Variants in CD1B observed in about 807,000 individuals in gnomAD.
The protein encoded by CD1B is T-cell surface glycoprotein CD1b.
In CD1B, 43 loss-of-function variants were observed where a neutral mutation model predicts 39.8. The ratio of observed to expected loss-of-function variants is 1.08; its 90% confidence interval spans 0.85 to 1.39. The LOEUF (loss-of-function observed/expected upper bound fraction) is 1.39, where lower values mean the gene tolerates loss of function less well. Among genes scored for constraint, CD1B ranks in the 40% most tolerant of loss-of-function variants. CD1B has a pLI of 0.00. For missense variants in CD1B, 495 were observed against 403.8 expected (o/e 1.23, Z -1.94); for synonymous variants, 192 against 152.5 (o/e 1.26, Z -1.91).
the CD1B span, among the ~76,000 whole-genome samples, chr1:158,296,353 A>G: frequency 6.6e-6 from 1 of 152,236 alleles, no homozygotes; most frequent in East Asian, 1.9e-4. Context: ...GGCCCCCTGA[A>G]ATCATCAAGA....
At chr1:158,321,084 T>C in the CD1B span, among the ~76,000 whole-genome samples, 1 of 152,224 alleles carries the variant, frequency 6.6e-6, no homozygotes, top group Non-Finnish European at 1.5e-5. Context: ...ATTATCTGTT[T>C]ATCACTGAAG....
At chr1:158,314,482 C>A in the CD1B span, among the ~76,000 whole-genome samples, 4 of 151,634 alleles carry the variant, frequency 2.6e-5, no homozygotes, top group Non-Finnish European at 4.4e-5. Flanking sequence ...TTTATCGTTG[C>A]TTCTCTTCTA....
the CD1B span, among the ~76,000 whole-genome samples, chr1:158,309,424 G>A: frequency 3.3e-5 from 5 of 152,226 alleles, no homozygotes; most frequent in East Asian, 3.9e-4. Flanking sequence ...TCAGTGTGGC[G>A]ATTCCTCAGG....
At chr1:158,291,234 G>T in the CD1B span, 19 of 1,613,958 alleles carry the variant, frequency 1.2e-5, no homozygotes, top group African/African-American at 1.7e-4. Context: ...ACGAGTTGCA[G>T]ACTCATGGCT....
the CD1B span, among the ~76,000 whole-genome samples, chr1:158,295,721 C>T: frequency 0.012 from 1,756 of 152,020 alleles, 34 homozygotes; most frequent in African/African-American, 0.04. Flanking sequence ...AGGATCCCTG[C>T]CTGTCTGTAC....
At chr1:158,296,758 C>A in the CD1B span, among the ~76,000 whole-genome samples, 1 of 152,092 alleles carries the variant, frequency 6.6e-6, no homozygotes, top group Non-Finnish European at 1.5e-5. Flanking sequence ...AAGAACTAAG[C>A]TGATTTGACA....
the CD1B span, among the ~76,000 whole-genome samples, chr1:158,321,981 T>G: frequency 6.6e-6 from 1 of 152,172 alleles, no homozygotes; most frequent in Non-Finnish European, 1.5e-5. Context: ...GTATAACAAG[T>G]TATTTTAAGC....
At chr1:158,300,252 T>C in the CD1B span, among the ~76,000 whole-genome samples, 1 of 152,158 alleles carries the variant, frequency 6.6e-6, no homozygotes, top group Non-Finnish European at 1.5e-5. Context: ...TACCAAGTAG[T>C]CATTCAGGAC....
chr1:158,328,196 T>G lies in CD1B; in HGVS notation c.*40A>C. 6.4e-7 allele frequency: 1 copy of G among 1,552,662 alleles called. No homozygotes were observed. The highest frequency in any genetic ancestry group is 1.1e-5 in the South Asian group (1 of 88,302). On this transcript the variant is annotated 3_prime_UTR_variant, in exon 6 of 6. Coordinates refer to ENST00000368168, the MANE Select transcript of CD1B (RefSeq NM_001764.3). The stretch of plus-strand genomic sequence containing the variant: ...TTTTGGGCTGATATCTTGGGCTTCT[T>G]GGTACTTATTGCGAATGGGAGAGGA...
At chr1:158,300,603 G>C in the CD1B span, among the ~76,000 whole-genome samples, 1 of 152,052 alleles carries the variant, frequency 6.6e-6, no homozygotes, top group South Asian at 2.1e-4. Flanking sequence ...CATTATTATT[G>C]TGTGGGAGTA....
chr1:158,304,116 C>T, the CD1B span, among the ~76,000 whole-genome samples: 1 of 151,950 alleles, frequency 6.6e-6, no homozygotes, highest in Non-Finnish European at 1.5e-5. Context: ...TGCAGTTCAC[C>T]CAGCGAGAGC....
the CD1B span, among the ~76,000 whole-genome samples, chr1:158,286,771 A>G: frequency 6.6e-6 from 1 of 152,208 alleles, no homozygotes; most frequent in Non-Finnish European, 1.5e-5. Context: ...GCGTATTGCC[A>G]TGATGGGGGT....
At chr1:158,304,463 A>C in the CD1B span, among the ~76,000 whole-genome samples, 78 of 152,286 alleles carry the variant, frequency 5.1e-4, no homozygotes, top group African/African-American at 1.8e-3. Flanking sequence ...GGTGTAGCCC[A>C]CCGCAGCTCA....
chr1:158,327,461 G>A (rs970793843), downstream of CD1B, among the ~76,000 whole-genome samples: 2 of 152,094 alleles, frequency 1.3e-5, no homozygotes, highest in Non-Finnish European at 2.9e-5. Flanking sequence ...TTAGCAAGAT[G>A]AGGAGAATCT....
chr1:158,329,535 C>A lies in CD1B; in HGVS notation c.721G>T (p.Gly241Cys). 2 of 1,614,024 alleles carry A rather than the reference C, an allele frequency of 1.2e-6. No homozygotes were observed. The highest frequency in any genetic ancestry group is 2.2e-5 in the East Asian group (1 of 44,830). ...PKPVWVMWMR[G>C]EQEQQGTQLG... ...TGAGTGCCCTGCTGCTCCTGCTCAC[C>A]CCGCATCCACATCACCCACACGGGC... The change falls in exon 4 of 6, where the codon GGT (glycine) becomes TGT (cysteine). Residue 241 changes from glycine to cysteine, a missense_variant. Physicochemically the swap from Gly to Cys is radical, Grantham distance 159. Transcript: ENST00000368168.
chr1:158,291,802 G>C, the CD1B span, among the ~76,000 whole-genome samples: 323 of 151,982 alleles, frequency 2.1e-3, no homozygotes, highest in African/African-American at 7.6e-3. Flanking sequence ...CCTCACAAAG[G>C]CTCCCCCTTC....
the CD1B span, among the ~76,000 whole-genome samples, chr1:158,297,825 C>G: frequency 6.6e-6 from 1 of 151,930 alleles, no homozygotes; most frequent in Non-Finnish European, 1.5e-5. Context: ...GTCCCAGCTA[C>G]TGAGGAGGCT....
At chr1:158,305,520 CA>C in the CD1B span, among the ~76,000 whole-genome samples, 1 of 152,182 alleles carries the variant, frequency 6.6e-6, no homozygotes, top group Middle Eastern at 3.2e-3. Context: ...GGATATTATC[CA>C]GGAGAACTTC....
the CD1B span, among the ~76,000 whole-genome samples, chr1:158,297,961 A>AT: frequency 6.5e-4 from 99 of 151,362 alleles, 2 homozygotes; most frequent in East Asian, 0.018. Context: ...AAAAAAAAAA[A>AT]AATAAACAAG....
Sources: allele counts gnomAD v4.1 joint callset (sites outside exome capture counted in the v4.1 genomes callset), GRCh38; gene constraint gnomAD v4.1.1; transcripts MANE v1.5; gene names NCBI Gene and HGNC (gene_info 2026-07-23, HGNC 2026-07-21).